The following SND1 variants were observed in gnomAD, a reference collection of about 807,000 sequenced individuals.
SND1 encodes staphylococcal nuclease and tudor domain containing 1.
Under a neutral mutation model 121.7 loss-of-function variants are expected in SND1, and 38 were observed. The ratio of observed to expected loss-of-function variants is 0.31; its 90% CI spans 0.24 to 0.41. The LOEUF (loss-of-function observed/expected upper bound fraction) is 0.41, where lower values mean the gene tolerates loss of function less well. Among genes scored for constraint, SND1 ranks in the 10% least tolerant of loss-of-function variants. The pLI, the probability that SND1 is intolerant of heterozygous loss-of-function variation, is 1.00. For synonymous variants in SND1, 401 were observed against 447.4 expected, an observed-to-expected ratio of 0.90 and a Z score of 1.31; for missense variants, 868 against 1,184.6, an observed-to-expected ratio of 0.73 and a Z score of 3.92.
intron 12 of SND1, among the ~76,000 whole-genome samples, chr7:127,856,840 T>C (rs1799283609): frequency 6.6e-6 from 1 of 152,210 alleles, no homozygotes; most frequent in Non-Finnish European, 1.5e-5. Flanking sequence ...AAATCACCTT[T>C]TCTTTTTTTT....
At chr7:127,926,765 G>A (rs974848990) in intron 14 of SND1, among the ~76,000 whole-genome samples, 140 of 142,626 alleles carry the variant, frequency 9.8e-4, no homozygotes, top group African/African-American at 3.6e-3. Context: ...TGTTGTTGTT[G>A]TACTTTTAGT....
At chr7:127,846,563 A>G (rs1472346980) in intron 12 of SND1, among the ~76,000 whole-genome samples, 1 of 152,184 alleles carries the variant, frequency 6.6e-6, no homozygotes, top group Non-Finnish European at 1.5e-5. Context: ...TTGTAGCCCT[A>G]GTATCTAGCA....
At chr7:127,905,728 A>G (rs1469266519) in intron 14 of SND1, among the ~76,000 whole-genome samples, 4 of 152,174 alleles carry the variant, frequency 2.6e-5, no homozygotes, top group African/African-American at 4.8e-5. Context: ...TCAACACCAC[A>G]GTCACTAATG....
intron 12 of SND1, among the ~76,000 whole-genome samples, chr7:127,858,973 C>T (rs1032937558): frequency 2.0e-5 from 3 of 152,138 alleles, no homozygotes; most frequent in African/African-American, 7.2e-5. Flanking sequence ...ACATAAACTA[C>T]AGGGGATGTG....
chr7:127,738,286 C>T (rs143542989), intron 10 of SND1, among the ~76,000 whole-genome samples: 327 of 122,434 alleles, frequency 2.7e-3, no homozygotes, highest in Middle Eastern at 0.013. Context: ...TTTTTTTTTT[C>T]TTTTTTTTTT....
chr7:128,014,517 G>A (rs1584738290), intron 16 of SND1, among the ~76,000 whole-genome samples: 1 of 152,220 alleles, frequency 6.6e-6, no homozygotes, highest in East Asian at 1.9e-4. Flanking sequence ...ACAGTCCACT[G>A]CTGGCCTCCC....
At chr7:127,895,967 T>G (rs1447762307) in intron 13 of SND1, among the ~76,000 whole-genome samples, 1 of 152,148 alleles carries the variant, frequency 6.6e-6, no homozygotes, top group Non-Finnish European at 1.5e-5. Flanking sequence ...GGGGTATAGC[T>G]GACGCCCTTT....
At chr7:127,890,434 A>G (rs568289267) in intron 13 of SND1, among the ~76,000 whole-genome samples, 2 of 152,148 alleles carry the variant, frequency 1.3e-5, no homozygotes. Context: ...TTACTAAACT[A>G]TCCATGGGAT....
chr7:128,008,691 A>G (rs1803043460), intron 16 of SND1, among the ~76,000 whole-genome samples: 1 of 152,076 alleles, frequency 6.6e-6, no homozygotes, highest in South Asian at 2.1e-4. Context: ...CTACTCTCCC[A>G]TGAGGCTGAT....
At chr7:128,014,283 C>T (rs1409761097) in intron 16 of SND1, among the ~76,000 whole-genome samples, 1 of 152,164 alleles carries the variant, frequency 6.6e-6, no homozygotes, top group Non-Finnish European at 1.5e-5. Context: ...AGTCTAGAGG[C>T]TGTCATCCTG....
intron 16 of SND1, chr7:128,028,875 C>A: frequency 2.5e-6 from 4 of 1,614,160 alleles, no homozygotes; most frequent in Non-Finnish European, 3.4e-6. Context: ...ACCTGATACA[C>A]CGGACGGAGC....
chr7:127,983,437 C>T (rs1332960803), intron 15 of SND1, among the ~76,000 whole-genome samples: 9 of 152,118 alleles, frequency 5.9e-5, no homozygotes, highest in Non-Finnish European at 1.3e-4. Context: ...GCATTCCTGC[C>T]TGGGGTCTTA....
chr7:127,956,716 C>G (rs1236901808), intron 15 of SND1, among the ~76,000 whole-genome samples: 1 of 152,188 alleles, frequency 6.6e-6, no homozygotes, highest in Non-Finnish European at 1.5e-5. Flanking sequence ...GGCCTGAGTG[C>G]TATGGTTGGG....
chr7:128,060,354 G>A (rs1237777658), intron 16 of SND1, among the ~76,000 whole-genome samples: 2 of 152,184 alleles, frequency 1.3e-5, no homozygotes, highest in Non-Finnish European at 2.9e-5. Context: ...CAGAGGGTCC[G>A]TGAAGGAGAG....
At chr7:127,829,314 A>G (rs1330410455) in intron 11 of SND1, among the ~76,000 whole-genome samples, 1 of 151,974 alleles carries the variant, frequency 6.6e-6, no homozygotes, top group African/African-American at 2.4e-5. Flanking sequence ...AGGCAGTTTC[A>G]TTTCCTCTGA....
chr7:127,882,435 G>T (rs1799810948), intron 12 of SND1, among the ~76,000 whole-genome samples: 1 of 139,358 alleles, frequency 7.2e-6, no homozygotes, highest in Admixed American at 7.1e-5. Context: ...GGAGGGGAGG[G>T]GAGGGGAGGG....
intron 10 of SND1, among the ~76,000 whole-genome samples, chr7:127,786,630 GT>G (rs1422155367): frequency 6.6e-6 from 1 of 150,926 alleles, no homozygotes; most frequent in African/African-American, 2.4e-5. Context: ...GTTTTGTTTT[GT>G]TTTGTTTGTT....
At chr7:128,032,096 G>C (rs1792634226) in intron 16 of SND1, 1 of 151,960 alleles carries the variant, frequency 6.6e-6, no homozygotes, top group South Asian at 2.1e-4. Flanking sequence ...CCTTCAGTCA[G>C]AACGTGAATG....
intron 10 of SND1, among the ~76,000 whole-genome samples, chr7:127,793,122 C>T (rs568293211): frequency 7.2e-5 from 11 of 152,232 alleles, no homozygotes; most frequent in Admixed American, 3.3e-4. Flanking sequence ...TGGGCAAGCA[C>T]GCATTATGTG....
Sources: gnomAD v4.1 joint callset for allele counts (sites outside exome capture counted in the v4.1 genomes callset) on GRCh38, gnomAD v4.1.1 for gene constraint, MANE v1.5 for transcripts, NCBI Gene and HGNC (gene_info 2026-07-23, HGNC 2026-07-21) for gene names.